The following RFX3 variants were observed in gnomAD, a reference collection of about 807,000 sequenced individuals.
RFX3 encodes regulatory factor X3, also known as transcription factor RFX3.
RFX3 carries 14 observed loss-of-function variants against 98.6 expected under a neutral mutation model. The ratio of observed to expected loss-of-function variants is 0.14; its 90% CI spans 0.09 to 0.22. The LOEUF (loss-of-function observed/expected upper bound fraction) is 0.22, where lower values mean the gene tolerates loss of function less well. Among genes scored for constraint, RFX3 ranks in the 10% least tolerant of loss-of-function variants. The pLI is 1.00. For missense variants in RFX3, 639 were observed against 926.9 expected, an observed-to-expected ratio of 0.69 and a Z score of 4.03; for synonymous variants, 383 against 328.4, an observed-to-expected ratio of 1.17 and a Z score of -1.80.
intron 2 of RFX3, among the ~76,000 whole-genome samples, chr9:3,394,234 T>C (rs531233609): frequency 0.015 from 2,258 of 152,048 alleles, 58 homozygotes; most frequent in African/African-American, 0.05. Flanking sequence ...GAGGTCGAGG[T>C]GGGCGGATCA....
intron 2 of RFX3, among the ~76,000 whole-genome samples, chr9:3,382,779 T>C (rs890046255): frequency 2.0e-5 from 3 of 152,110 alleles, no homozygotes; most frequent in South Asian, 2.1e-4. Context: ...CAAGAGTTGA[T>C]AGGAAATGTA....
intron 5 of RFX3, among the ~76,000 whole-genome samples, chr9:3,295,050 C>T (rs564800262): frequency 2.0e-5 from 3 of 151,942 alleles, no homozygotes; most frequent in Non-Finnish European, 1.5e-5. Flanking sequence ...TTTCCAGGGG[C>T]GCTTAAACAT....
chr9:3,228,844 T>C lies in RFX3; in HGVS notation c.2011+3A>G, dbSNP rs1409024879. The C allele has an allele frequency of 6.2e-7, 1 of 1,607,152 alleles. No individual in the cohort carries two copies. On this transcript the variant is annotated splice_donor_region_variant and intron_variant, in intron 16 of 16. Coordinates refer to ENST00000617270, the MANE Select transcript of RFX3 (RefSeq NM_001282116.2). ...TAAAATGTACATTATTTTCGATTCTTACCTTTATCCAGATTTCCAGGAGAC... is the reference window on the plus strand; with the variant it reads ...TAAAATGTACATTATTTTCGATTCTCACCTTTATCCAGATTTCCAGGAGAC...
intron 2 of RFX3, among the ~76,000 whole-genome samples, chr9:3,363,159 G>C (rs1301065653): frequency 6.6e-6 from 1 of 152,088 alleles, no homozygotes; most frequent in East Asian, 1.9e-4. Context: ...ATAATACTGT[G>C]GTGACCAGAA....
intron 1 of RFX3, among the ~76,000 whole-genome samples, chr9:3,424,060 T>C (rs1187866230): frequency 2.0e-5 from 3 of 150,430 alleles, no homozygotes; most frequent in Non-Finnish European, 3.0e-5. Context: ...GGCAGGAGAA[T>C]GACGTGAACC....
rs553856935 is a variant in RFX3 at position 3,315,012 on chromosome 9, C to T, written c.475-13392G>A. Among the ~76,000 whole-genome samples the T allele has an allele frequency of 2.9e-4, 44 of 152,244 alleles. No homozygotes were observed. In the East Asian group the frequency reaches 8.5e-3, roughly 29 times the overall value. On this transcript the variant is annotated intron_variant, in intron 4 of 16. Coordinates refer to ENST00000617270, the MANE Select transcript of RFX3 (RefSeq NM_001282116.2). ...TATCCAGGAATTGAACTCAGCTCTG[C>T]ACCAAGCAGACCTAATAGACATCTA...
intron 2 of RFX3, among the ~76,000 whole-genome samples, chr9:3,359,425 G>C (rs1327018805): frequency 6.6e-6 from 1 of 152,044 alleles, no homozygotes; most frequent in African/African-American, 2.4e-5. Flanking sequence ...GGATTGGAAA[G>C]CCATAGCTAT....
chr9:3,424,101 C>G (rs182464664), intron 1 of RFX3, among the ~76,000 whole-genome samples: 3,942 of 149,986 alleles, frequency 0.026, 75 homozygotes, highest in Non-Finnish European at 0.039. Flanking sequence ...GAGCTGAGAT[C>G]GCGCCACTAC....
At chr9:3,406,978 T>C (rs1842027568) in intron 1 of RFX3, among the ~76,000 whole-genome samples, 1 of 152,186 alleles carries the variant, frequency 6.6e-6, no homozygotes, top group Non-Finnish European at 1.5e-5. Flanking sequence ...TTTACTGTGT[T>C]TTAATAAGTA....
intron 9 of RFX3, among the ~76,000 whole-genome samples, chr9:3,274,780 C>A (rs187813414): frequency 2.0e-5 from 3 of 152,006 alleles, no homozygotes; most frequent in East Asian, 1.9e-4. Context: ...TCCCAGTCAC[C>A]CAGTTTCCTT....
intron 1 of RFX3, chr9:3,488,819 T>C (rs1850490717): frequency 1.0e-6 from 1 of 985,230 alleles, no homozygotes; most frequent in Non-Finnish European, 1.2e-6. Flanking sequence ...TTCAGCTTAT[T>C]TCTCTTGAGC....
chr9:3,296,658 C>A (rs190366100), intron 5 of RFX3, among the ~76,000 whole-genome samples: 1 of 152,068 alleles, frequency 6.6e-6, no homozygotes, highest in East Asian at 1.9e-4. Flanking sequence ...CGTTTTGTTC[C>A]CTACCCGTTG....
chr9:3,498,316 C>CA (rs1298913794), intron 1 of RFX3, among the ~76,000 whole-genome samples: 2 of 151,906 alleles, frequency 1.3e-5, no homozygotes, highest in Non-Finnish European at 1.5e-5. Context: ...TTCTTAATTT[C>CA]AAAAAATGTT....
chr9:3,256,732 C>G (rs894661664), intron 14 of RFX3, among the ~76,000 whole-genome samples: 2 of 152,136 alleles, frequency 1.3e-5, no homozygotes, highest in Non-Finnish European at 1.5e-5. Context: ...GAATCTCAGA[C>G]GTTCCCATCT....
intron 9 of RFX3, among the ~76,000 whole-genome samples, chr9:3,273,754 AC>A (rs1209728421): frequency 6.6e-6 from 1 of 151,724 alleles, no homozygotes; most frequent in Non-Finnish European, 1.5e-5. Context: ...AATTCCAGCT[AC>A]TGGGGAGGCT....
At chr9:3,278,283 T>C (rs1214424715) in intron 7 of RFX3, among the ~76,000 whole-genome samples, 2 of 151,898 alleles carry the variant, frequency 1.3e-5, no homozygotes, top group Non-Finnish European at 2.9e-5. Context: ...ACAAAATAAG[T>C]AAGCAGCAAC....
intron 1 of RFX3, among the ~76,000 whole-genome samples, chr9:3,485,716 A>T (rs1850205299): frequency 6.6e-6 from 1 of 152,242 alleles, no homozygotes; most frequent in Non-Finnish European, 1.5e-5. Context: ...TGCAAAAATT[A>T]CATGCATCAT....
chr9:3,500,912 G>T (rs982372608), intron 1 of RFX3, among the ~76,000 whole-genome samples: 1 of 152,202 alleles, frequency 6.6e-6, no homozygotes, highest in East Asian at 1.9e-4. Context: ...TTCTAAACTG[G>T]TTACATGAAT....
chr9:3,293,999 A>G (rs1035195645), intron 5 of RFX3, among the ~76,000 whole-genome samples: 2 of 152,168 alleles, frequency 1.3e-5, no homozygotes, highest in Non-Finnish European at 2.9e-5. Flanking sequence ...ATACTTTTTC[A>G]GTCTATGTTC....
Sources: allele counts gnomAD v4.1 joint callset (sites outside exome capture counted in the v4.1 genomes callset), GRCh38; gene constraint gnomAD v4.1.1; transcripts MANE v1.5; gene names NCBI Gene and HGNC (gene_info 2026-07-23, HGNC 2026-07-21).